Variants in PLXDC1 observed in about 807,000 individuals in gnomAD.
PLXDC1 encodes plexin domain containing 1.
PLXDC1 carries 39 observed loss-of-function variants against 61.3 expected under a neutral mutation model. The observed-to-expected ratio is 0.64, with a 90% CI of 0.49 to 0.83. The LOEUF (loss-of-function observed/expected upper bound fraction) is 0.83. Among genes scored for constraint, PLXDC1 ranks in the 40% least tolerant of loss-of-function variants. PLXDC1 has a pLI of 0.00. For missense variants in PLXDC1, 596 were observed against 666.5 expected (o/e 0.89, Z 1.17); for synonymous variants, 212 against 254.5 (o/e 0.83, Z 1.59).
rs34943653 is a variant in PLXDC1, at chr17:39,076,508, C to CAA, written c.1186+1403_1186+1404dup. ...CCTGAGCAAGAGTGAGACCCTGTCT[C>CAA]AAAAAAAAAAAAAAAAATCCTAACA... On this transcript the variant is annotated intron_variant, in intron 11 of 13. Transcript: ENST00000315392. 9.3e-3 allele frequency among the ~76,000 whole-genome samples: 788 copies of CAA among 85,100 alleles called. 7 individuals are homozygous for CAA. Among genetic ancestry groups the CAA allele is most frequent in the African/African-American group, 0.029 (752 of 25,894 alleles). 55.8% of individuals were successfully genotyped at this position (85,100 alleles called of 152,430 possible).
intron 2 of PLXDC1, among the ~76,000 whole-genome samples, chr17:39,124,906 C>T (rs1466253335): frequency 1.3e-5 from 2 of 152,120 alleles, no homozygotes; most frequent in Non-Finnish European, 2.9e-5. Flanking sequence ...CTCCACCTCC[C>T]GGGCTCAAGT....
chr17:39,124,104 G>T (rs577899), intron 2 of PLXDC1, among the ~76,000 whole-genome samples: 1 of 151,846 alleles, frequency 6.6e-6, no homozygotes, highest in Non-Finnish European at 1.5e-5. Flanking sequence ...CCCCTGGGCC[G>T]CAACATCAGC....
rs148234983 is a variant in PLXDC1, at chr17:39,119,606, G to A, written c.256-10215C>T. Among the ~76,000 whole-genome samples the A allele has an allele frequency of 2.4e-3, 368 of 152,100 alleles. 7 individuals are homozygous for A. The East Asian group carries it at 0.04, about 16-fold the overall frequency. ...ACAAAAAATACCAAAACTGGCCAGG[G>A]GTGATGGCGTGCTCCCATAGTCCGA... On this transcript the variant is annotated intron_variant, in intron 2 of 13. Transcript: ENST00000315392.
chr17:39,077,765 GA>G (rs1909396736), intron 11 of PLXDC1, 147 bp downstream of exon 11: 13 of 700,746 alleles, frequency 1.9e-5, no homozygotes, highest in Non-Finnish European at 3.1e-5. Flanking sequence ...TAAACTGTCT[GA>G]ACTTCAGGCC....
At chr17:39,094,114 GC>G (rs1910056545) in intron 7 of PLXDC1, among the ~76,000 whole-genome samples, 1 of 151,616 alleles carries the variant, frequency 6.6e-6, no homozygotes, top group Non-Finnish European at 1.5e-5. Context: ...CCCAGAGGTG[GC>G]ACCAAGGCCA....
chr17:39,086,859 CAAAA>C (rs765774886), intron 8 of PLXDC1, among the ~76,000 whole-genome samples: 21 of 71,508 alleles, frequency 2.9e-4, no homozygotes, highest in African/African-American at 8.5e-4. Flanking sequence ...GAGACTGTCT[CAAAA>C]AAAAAAAAAA....
chr17:39,097,935 C>T (rs143435497), intron 7 of PLXDC1, among the ~76,000 whole-genome samples: 2,710 of 145,972 alleles, frequency 0.019, 62 homozygotes, highest in African/African-American at 0.051. Context: ...CCAGGTGCAA[C>T]GGCTCACGCC....
chr17:39,141,893 AT>A (rs1448123234), intron 1 of PLXDC1, among the ~76,000 whole-genome samples: 1 of 152,098 alleles, frequency 6.6e-6, no homozygotes, highest in Admixed American at 6.5e-5. Context: ...ATAAATTGGC[AT>A]TTCCCTGATG....
At chr17:39,144,936 C>T (rs1912049512) in intron 1 of PLXDC1, 1 of 152,210 alleles carries the variant, frequency 6.6e-6, no homozygotes, top group Non-Finnish European at 1.5e-5. Flanking sequence ...CATCCACCCC[C>T]TTAATCCCCA....
intron 8 of PLXDC1, 45 bp from the exon 9 acceptor site, chr17:39,083,585 T>G: frequency 1.4e-6 from 2 of 1,460,042 alleles, no homozygotes; most frequent in South Asian, 2.4e-5. Context: ...AGCCTCTCCT[T>G]GGGCTCCAAA....
At chr17:39,129,737 G>GAA (rs1339854121) in intron 2 of PLXDC1, among the ~76,000 whole-genome samples, 93 of 137,632 alleles carry the variant, frequency 6.8e-4, no homozygotes, top group African/African-American at 2.4e-3. Context: ...AGAAAAGAAA[G>GAA]AAAGGAAAGA....
At chr17:39,126,334 G>A (rs1408744435) in intron 2 of PLXDC1, among the ~76,000 whole-genome samples, 1 of 151,996 alleles carries the variant, frequency 6.6e-6, no homozygotes, top group Non-Finnish European at 1.5e-5. Flanking sequence ...CAACATTGTT[G>A]ATGGGTTCTT....
intron 7 of PLXDC1, among the ~76,000 whole-genome samples, chr17:39,088,651 G>A (rs1298449290): frequency 1.3e-5 from 2 of 152,138 alleles, no homozygotes; most frequent in Non-Finnish European, 2.9e-5. Flanking sequence ...TTGAAAGGCA[G>A]GCAGCCCAGC....
chr17:39,084,083 C>G (rs554510862), intron 8 of PLXDC1, among the ~76,000 whole-genome samples: 1 of 152,298 alleles, frequency 6.6e-6, no homozygotes, highest in East Asian at 1.9e-4. Flanking sequence ...GTCACGAGGT[C>G]TATGACGGCA....
At chr17:39,068,224 C>T (rs1383280289) in intron 13 of PLXDC1, among the ~76,000 whole-genome samples, 1 of 152,222 alleles carries the variant, frequency 6.6e-6, no homozygotes, top group Non-Finnish European at 1.5e-5. Context: ...GCAGAACTCA[C>T]AGCTGAAAGG....
At chr17:39,136,253 G>A (rs946625052) in intron 2 of PLXDC1, among the ~76,000 whole-genome samples, 1 of 152,078 alleles carries the variant, frequency 6.6e-6, no homozygotes, top group Non-Finnish European at 1.5e-5. Flanking sequence ...CTCAAACTAG[G>A]AGCCCAAACT....
intron 12 of PLXDC1, 90 bp downstream of exon 12, chr17:39,072,360 A>G: frequency 1.1e-6 from 1 of 912,946 alleles, no homozygotes; most frequent in Non-Finnish European, 1.8e-6. Context: ...CGCACTCATA[A>G]AAATAGCCCA....
chr17:39,104,199 C>T (rs889786529), intron 7 of PLXDC1, among the ~76,000 whole-genome samples: 28 of 152,140 alleles, frequency 1.8e-4, no homozygotes, highest in East Asian at 9.6e-4. Flanking sequence ...CTATCGCCTG[C>T]GTGTTTGCAG....
intron 9 of PLXDC1, among the ~76,000 whole-genome samples, chr17:39,081,644 T>G (rs1193209396): frequency 1.4e-5 from 2 of 144,022 alleles, no homozygotes; most frequent in Non-Finnish European, 3.0e-5. Flanking sequence ...AAAAAAATGC[T>G]TCTTGATATC....
Sources: allele counts gnomAD v4.1 joint callset (sites outside exome capture counted in the v4.1 genomes callset), GRCh38; gene constraint gnomAD v4.1.1; transcripts MANE v1.5; gene names NCBI Gene and HGNC (gene_info 2026-07-23, HGNC 2026-07-21).